The following PTPRO variants were observed in gnomAD, a reference collection of about 807,000 sequenced individuals.
PTPRO encodes receptor-type tyrosine-protein phosphatase O.
Under a neutral mutation model 145.2 loss-of-function variants are expected in PTPRO, and 62 were observed. The observed-to-expected ratio is 0.43, with a 90% CI of 0.35 to 0.53. The LOEUF is 0.53. PTPRO is among the 20% of genes least tolerant of loss of function. PTPRO has a pLI of 0.01. For synonymous variants in PTPRO, 565 were observed against 514.7 expected (o/e 1.10, Z -1.32); for missense variants, 1,345 against 1,482.7 (o/e 0.91, Z 1.53).
chr12:15,433,513 C>T (rs1020680872), intron 1 of PTPRO, among the ~76,000 whole-genome samples: 2 of 152,150 alleles, frequency 1.3e-5, no homozygotes, highest in African/African-American at 4.8e-5. Flanking sequence ...AGTCTTTAAT[C>T]CATCTTGAGT....
intron 1 of PTPRO, among the ~76,000 whole-genome samples, chr12:15,430,380 A>G (rs1224256620): frequency 6.6e-5 from 10 of 152,224 alleles, no homozygotes; most frequent in African/African-American, 2.4e-4. Flanking sequence ...CTAAAGCACT[A>G]AACAGGCAAA....
At chr12:15,503,022 A>G (rs888310588) in intron 5 of PTPRO, among the ~76,000 whole-genome samples, 3 of 152,218 alleles carry the variant, frequency 2.0e-5, no homozygotes, top group Non-Finnish European at 4.4e-5. Flanking sequence ...AAGATGATAC[A>G]GCATTCAACC....
intron 1 of PTPRO, among the ~76,000 whole-genome samples, chr12:15,436,697 C>G (rs1308182256): frequency 1.3e-5 from 2 of 152,232 alleles, no homozygotes; most frequent in Admixed American, 1.3e-4. Context: ...AATCTGGGTG[C>G]ATACAAAGTC....
At chr12:15,359,858 C>T (rs887962864) in intron 1 of PTPRO, among the ~76,000 whole-genome samples, 5 of 152,094 alleles carry the variant, frequency 3.3e-5, no homozygotes, top group Non-Finnish European at 4.4e-5. Flanking sequence ...TGTAGTTTGT[C>T]TTTCTATCTT....
At chr12:15,530,122 A>G (rs935379620) in intron 12 of PTPRO, among the ~76,000 whole-genome samples, 5 of 152,226 alleles carry the variant, frequency 3.3e-5, no homozygotes, top group African/African-American at 1.2e-4. Context: ...AATTGTAAAA[A>G]CAGACAAAGA....
chr12:15,374,349 CT>C (rs1260532246), intron 1 of PTPRO, among the ~76,000 whole-genome samples: 2 of 152,112 alleles, frequency 1.3e-5, no homozygotes, highest in Non-Finnish European at 2.9e-5. Context: ...TTCAAATTAA[CT>C]TTTTCAGAAC....
chr12:15,478,934 G>A (rs1342453204), intron 1 of PTPRO, among the ~76,000 whole-genome samples: 3 of 152,178 alleles, frequency 2.0e-5, no homozygotes, highest in Admixed American at 6.5e-5. Flanking sequence ...GCCTCCCAAA[G>A]TGGTGGGATT....
At chr12:15,337,069 G>A (rs1157521531) in intron 1 of PTPRO, among the ~76,000 whole-genome samples, 1 of 152,150 alleles carries the variant, frequency 6.6e-6, no homozygotes, top group Non-Finnish European at 1.5e-5. Flanking sequence ...TTCCAGTTGT[G>A]GAGCTAAGGC....
intron 1 of PTPRO, among the ~76,000 whole-genome samples, chr12:15,389,979 G>C (rs1939143983): frequency 6.6e-6 from 1 of 152,158 alleles, no homozygotes; most frequent in Non-Finnish European, 1.5e-5. Flanking sequence ...TAGTTTATTT[G>C]AGAATATAAT....
intron 2 of PTPRO, among the ~76,000 whole-genome samples, chr12:15,491,254 G>T (rs1941993929): frequency 1.3e-5 from 2 of 152,130 alleles, no homozygotes; most frequent in African/African-American, 4.8e-5. Flanking sequence ...TTCTTCAGCT[G>T]GTCACATCAG....
chr12:15,515,248 A>G (rs1942552069), intron 7 of PTPRO, among the ~76,000 whole-genome samples: 1 of 152,170 alleles, frequency 6.6e-6, no homozygotes, highest in African/African-American at 2.4e-5. Flanking sequence ...CATAGTTATA[A>G]TTGACACTGA....
At chr12:15,400,931 A>T (rs553285424) in intron 1 of PTPRO, among the ~76,000 whole-genome samples, 20 of 152,362 alleles carry the variant, frequency 1.3e-4, no homozygotes, top group African/African-American at 4.8e-4. Flanking sequence ...ATATTTCAGC[A>T]AAAATAGCTT....
At chr12:15,331,877 G>A (rs1463966433) in intron 1 of PTPRO, among the ~76,000 whole-genome samples, 1 of 151,418 alleles carries the variant, frequency 6.6e-6, no homozygotes, top group Non-Finnish European at 1.5e-5. Context: ...ATGTTAACAC[G>A]TATTGTATCT....
chr12:15,444,463 T>G (rs920667513), intron 1 of PTPRO, among the ~76,000 whole-genome samples: 10 of 151,960 alleles, frequency 6.6e-5, no homozygotes, highest in Admixed American at 2.0e-4. Context: ...AACAAACCTG[T>G]GTATGTACCC....
chr12:15,353,549 T>G (rs144563662), intron 1 of PTPRO, among the ~76,000 whole-genome samples: 7 of 152,198 alleles, frequency 4.6e-5, no homozygotes, highest in African/African-American at 1.7e-4. Context: ...CCCACTGATA[T>G]TCTCACAATA....
At chr12:15,586,719 GT>G (rs201170232) in intron 23 of PTPRO, among the ~76,000 whole-genome samples, 177 bp from the exon 24 acceptor site, 8 of 149,426 alleles carry the variant, frequency 5.4e-5, no homozygotes, top group South Asian at 4.3e-4. Flanking sequence ...AATTAGCGTG[GT>G]TTTTTTTTTC....
intron 21 of PTPRO, 106 bp downstream of exon 21, chr12:15,580,221 C>A: frequency 1.2e-6 from 1 of 868,002 alleles, no homozygotes; most frequent in Non-Finnish European, 1.8e-6. Context: ...CTTTCCCAAC[C>A]CAGCAATTGA....
At chr12:15,393,054 C>T (rs1201401661) in intron 1 of PTPRO, among the ~76,000 whole-genome samples, 1 of 152,116 alleles carries the variant, frequency 6.6e-6, no homozygotes. Flanking sequence ...AACCAACTAG[C>T]CAAACCATTA....
At chr12:15,498,329 C>T (rs1208861704) in intron 3 of PTPRO, among the ~76,000 whole-genome samples, 2 of 152,096 alleles carry the variant, frequency 1.3e-5, no homozygotes, top group African/African-American at 4.8e-5. Context: ...CCGAGGTGGG[C>T]AGATCACTTG....
Sources: allele counts gnomAD v4.1 joint callset (sites outside exome capture counted in the v4.1 genomes callset), GRCh38; gene constraint gnomAD v4.1.1; transcripts MANE v1.5; gene names NCBI Gene and HGNC (gene_info 2026-07-23, HGNC 2026-07-21).